Variants in LHFPL3 observed in about 807,000 individuals in gnomAD.
LHFPL3 encodes LHFPL tetraspan subfamily member 3.
A neutral mutation model predicts 19.3 loss-of-function variants in LHFPL3; 5 were observed. That is an observed-to-expected ratio of 0.26 (90% CI 0.14 to 0.54). The LOEUF (loss-of-function observed/expected upper bound fraction) is 0.54, where lower values mean the gene tolerates loss of function less well. LHFPL3 is among the 20% of genes least tolerant of loss of function. The pLI is 0.94. For missense variants in LHFPL3, 249 were observed against 307.4 expected (o/e 0.81, Z 1.42); for synonymous variants, 133 against 126.2 (o/e 1.05, Z -0.36).
chr7:104,450,399 A>T (rs1022671581), intron 1 of LHFPL3, among the ~76,000 whole-genome samples: 9 of 152,318 alleles, frequency 5.9e-5, no homozygotes, highest in South Asian at 2.1e-4. Flanking sequence ...GTGTATATGT[A>T]CCACATTTTC....
intron 1 of LHFPL3, among the ~76,000 whole-genome samples, chr7:104,369,320 C>A (rs917089815): frequency 6.6e-6 from 1 of 152,210 alleles, no homozygotes; most frequent in Non-Finnish European, 1.5e-5. Context: ...TGGAATCCTA[C>A]AATATGTGGC....
At chr7:104,338,001 T>C (rs925152912) in intron 1 of LHFPL3, among the ~76,000 whole-genome samples, 1 of 151,526 alleles carries the variant, frequency 6.6e-6, no homozygotes, top group Non-Finnish European at 1.5e-5. Flanking sequence ...AGTTCGTAGA[T>C]AATCAACATT....
chr7:104,842,296 G>C (rs187891978), intron 2 of LHFPL3, among the ~76,000 whole-genome samples: 8 of 140,812 alleles, frequency 5.7e-5, no homozygotes, highest in South Asian at 2.7e-4. Context: ...TTGCGGGGGT[G>C]GGGGGGTGGG....
chr7:104,548,741 A>G (rs1794615981), intron 1 of LHFPL3, among the ~76,000 whole-genome samples: 1 of 152,094 alleles, frequency 6.6e-6, no homozygotes, highest in African/African-American at 2.4e-5. Flanking sequence ...CCCTTTCTGT[A>G]TCTTTCTATG....
intron 2 of LHFPL3, among the ~76,000 whole-genome samples, chr7:104,755,395 A>G (rs1021722278): frequency 1.3e-5 from 2 of 152,140 alleles, no homozygotes; most frequent in African/African-American, 4.8e-5. Context: ...CACTCATGCA[A>G]TTCACACAAG....
At chr7:104,583,516 A>G (rs569968907) in intron 1 of LHFPL3, among the ~76,000 whole-genome samples, 1 of 152,346 alleles carries the variant, frequency 6.6e-6, no homozygotes, top group East Asian at 1.9e-4. Flanking sequence ...CATCAGAGTA[A>G]ACAGGCAACC....
At chr7:104,633,849 A>G (rs975348923) in intron 1 of LHFPL3, among the ~76,000 whole-genome samples, 2 of 152,326 alleles carry the variant, frequency 1.3e-5, no homozygotes, top group South Asian at 2.1e-4. Flanking sequence ...TAATATTTCA[A>G]TATGAGGTAT....
At chr7:104,776,450 C>A (rs1044559976) in intron 2 of LHFPL3, among the ~76,000 whole-genome samples, 1 of 152,166 alleles carries the variant, frequency 6.6e-6, no homozygotes, top group Non-Finnish European at 1.5e-5. Flanking sequence ...AATTGCACCC[C>A]CCACAGCCAG....
At chr7:104,445,895 C>G (rs1263019645) in intron 1 of LHFPL3, among the ~76,000 whole-genome samples, 1 of 152,138 alleles carries the variant, frequency 6.6e-6, no homozygotes, top group African/African-American at 2.4e-5. Context: ...TTTTCCTGTC[C>G]TTTGATTTAA....
intron 1 of LHFPL3, among the ~76,000 whole-genome samples, chr7:104,490,918 G>A (rs903295712): frequency 1.3e-5 from 2 of 152,062 alleles, no homozygotes; most frequent in Non-Finnish European, 2.9e-5. Flanking sequence ...AAGAGCCACA[G>A]CCATCATTGG....
intron 1 of LHFPL3, among the ~76,000 whole-genome samples, chr7:104,344,471 G>A (rs142447440): frequency 1.2e-3 from 186 of 152,128 alleles, no homozygotes; most frequent in African/African-American, 4.2e-3. Context: ...TTGCCTTTGC[G>A]TACCTATACC....
intron 2 of LHFPL3, among the ~76,000 whole-genome samples, chr7:104,897,974 TAA>T (rs1405232692): frequency 2.0e-5 from 3 of 149,602 alleles, no homozygotes; most frequent in African/African-American, 7.4e-5. Flanking sequence ...GGCAATTTGC[TAA>T]GAGACTGCTG....
chr7:104,398,124 A>G (rs6951873), intron 1 of LHFPL3, among the ~76,000 whole-genome samples: 58,352 of 151,112 alleles, frequency 0.39, 11,702 homozygotes, highest in Admixed American at 0.5. Context: ...GAAAGATCAC[A>G]CCTACGTAAA....
chr7:104,562,919 A>G (rs1790037731), intron 1 of LHFPL3, among the ~76,000 whole-genome samples: 1 of 151,888 alleles, frequency 6.6e-6, no homozygotes, highest in South Asian at 2.1e-4. Context: ...CCTCAGCTGC[A>G]GGTCTGTTGG....
At chr7:104,712,847 C>G (rs1206870923) in intron 1 of LHFPL3, among the ~76,000 whole-genome samples, 1 of 152,144 alleles carries the variant, frequency 6.6e-6, no homozygotes, top group Non-Finnish European at 1.5e-5. Flanking sequence ...TGACAAAATG[C>G]TTAATCTAGA....
At chr7:104,607,276 G>T (rs932615854) in intron 1 of LHFPL3, among the ~76,000 whole-genome samples, 14 of 152,214 alleles carry the variant, frequency 9.2e-5, no homozygotes, top group Non-Finnish European at 2.1e-4. Context: ...GAGGTCAGAG[G>T]CAAGATGGAG....
intron 1 of LHFPL3, among the ~76,000 whole-genome samples, chr7:104,454,703 A>G (rs1159627709): frequency 6.6e-6 from 1 of 152,136 alleles, no homozygotes; most frequent in African/African-American, 2.4e-5. Flanking sequence ...ACCTGGCCCA[A>G]GTCCCTCCCA....
At chr7:104,402,743 G>A (rs4727600) in intron 1 of LHFPL3, among the ~76,000 whole-genome samples, 67,991 of 151,924 alleles carry the variant, frequency 0.45, 16,745 homozygotes, top group African/African-American at 0.64. Flanking sequence ...CTATTTTTTT[G>A]CTTCTATAGG....
At position 104,577,523 on chromosome 7, in the gene LHFPL3, G is replaced by C. The variant is rs562853641; in HGVS notation, c.446-159152G>C. Among the ~76,000 whole-genome samples the C allele has an allele frequency of 5.6e-4, 85 of 152,162 alleles. 1 individual carries two copies. Among genetic ancestry groups the C allele is most frequent in the African/African-American group, 1.5e-3 (64 of 41,528 alleles). ...GTGTACAAGTATAGAGTTGTTTATAGATAAATGCCTATGTATGTATGTGTG... is the reference window on the plus strand; with the variant it reads ...GTGTACAAGTATAGAGTTGTTTATACATAAATGCCTATGTATGTATGTGTG... On this transcript the variant is annotated intron_variant, in intron 1 of 2. Transcript: ENST00000424859.
Sources: gnomAD v4.1 joint callset for allele counts (sites outside exome capture counted in the v4.1 genomes callset) on GRCh38, gnomAD v4.1.1 for gene constraint, MANE v1.5 for transcripts, NCBI Gene and HGNC (gene_info 2026-07-23, HGNC 2026-07-21) for gene names.